The following MTMR7 variants were observed in gnomAD, a reference collection of about 807,000 sequenced individuals.
The protein encoded by MTMR7 is myotubularin related protein 7.
A neutral mutation model predicts 81.2 loss-of-function variants in MTMR7; 76 were observed. That is an observed-to-expected ratio of 0.94 (90% CI 0.78 to 1.13). MTMR7 has a LOEUF of 1.13. Among genes scored for constraint, MTMR7 ranks in the 50% most tolerant of loss-of-function variants. MTMR7 has a pLI of 0.00. For synonymous variants in MTMR7, 372 were observed against 289.8 expected, an observed-to-expected ratio of 1.28 and a Z score of -2.88; for missense variants, 1,044 against 820.0, an observed-to-expected ratio of 1.27 and a Z score of -3.34.
At chr8:17,332,904 G>C (rs1211885084) in intron 6 of MTMR7, among the ~76,000 whole-genome samples, 1 of 152,192 alleles carries the variant, frequency 6.6e-6, no homozygotes, top group Non-Finnish European at 1.5e-5. Context: ...AATTACAGCA[G>C]AAAGACAGCA....
chr8:17,304,299 A>T, intron 12 of MTMR7, 80 bp downstream of exon 12: 1 of 1,496,234 alleles, frequency 6.7e-7, no homozygotes, highest in East Asian at 2.3e-5. Context: ...TCAGTGTCAT[A>T]CACTTTGACC....
In MTMR7 at chr8:17,371,081, T is replaced by C. The variant is rs1214022445; in HGVS notation, c.266A>G (p.Asp89Gly). The C allele has an allele frequency of 6.2e-7, 1 of 1,614,036 alleles. No individual in the cohort carries two copies. The highest frequency in any genetic ancestry group is 8.5e-7 in the Non-Finnish European group (1 of 1,180,016). Reference sequence around the variant, plus strand: ...CAGGGAGATGTACACGTCGTGGCAATCTCTTTCCTGAGGTATGATGAGCTG... The same window carrying C: ...CAGGGAGATGTACACGTCGTGGCAACCTCTTTCCTGAGGTATGATGAGCTG... ...IIQLIIPQER[D>G]CHDVYISLIR... Residue 89 changes from aspartate (D) to glycine (G), a missense_variant, in exon 3 of 14, where the codon GAT (aspartate) becomes GGT (glycine). Physicochemically the swap from Asp to Gly is moderately conservative, Grantham distance 94 (BLOSUM62 -1). Transcript: ENST00000180173.
At chr8:17,348,814 T>C (rs1819639597) in intron 5 of MTMR7, 139 bp downstream of exon 5, 2 of 974,138 alleles carry the variant, frequency 2.1e-6, no homozygotes, top group East Asian at 2.4e-5. Context: ...TATCATGTCA[T>C]ACCATGCACA....
At chr8:17,371,306 C>T (rs778881216) in intron 2 of MTMR7, 107 bp from the exon 3 acceptor site, 47 of 1,285,010 alleles carry the variant, frequency 3.7e-5, no homozygotes, top group East Asian at 9.6e-5. Context: ...CGCTCCCCAA[C>T]CTCCAGCTAG....
chr8:17,301,592 A>C (rs1817115918), intron 13 of MTMR7: 1 of 152,394 alleles, frequency 6.6e-6, no homozygotes. Flanking sequence ...AGACTGCTAG[A>C]ATAGACTAAT....
At chr8:17,345,049 G>T (rs960028247) in intron 5 of MTMR7, among the ~76,000 whole-genome samples, 3 of 152,104 alleles carry the variant, frequency 2.0e-5, no homozygotes, top group African/African-American at 7.2e-5. Context: ...AATTCCGAAC[G>T]CACATGACTA....
chr8:17,376,769 G>A lies in MTMR7; in HGVS notation c.25-3529C>T, dbSNP rs12674981. Among the ~76,000 whole-genome samples the A allele has an allele frequency of 1.3e-3, 193 of 151,990 alleles. 3 individuals are homozygous for A. The East Asian group carries it at 0.029, about 23-fold the overall frequency. ...GAGTTTCATGCTGATATTTATTATCGCATCGTGAAAGTGACCTAATCCTAG... is the reference window on the plus strand; with the variant it reads ...GAGTTTCATGCTGATATTTATTATCACATCGTGAAAGTGACCTAATCCTAG... On this transcript the variant is annotated intron_variant, in intron 1 of 13. Coordinates refer to ENST00000180173, the MANE Select transcript of MTMR7 (RefSeq NM_004686.5).
chr8:17,308,399 A>G (rs938180802), intron 10 of MTMR7, among the ~76,000 whole-genome samples: 5 of 152,192 alleles, frequency 3.3e-5, no homozygotes, highest in Non-Finnish European at 5.9e-5. Flanking sequence ...TGGAATTCCT[A>G]TGCTTTCCTG....
At chr8:17,308,130 CTT>C (rs1397042276) in intron 10 of MTMR7, among the ~76,000 whole-genome samples, 6 of 151,794 alleles carry the variant, frequency 4.0e-5, no homozygotes, top group African/African-American at 7.3e-5. Context: ...GAATTTTAGT[CTT>C]TTATGGCTTC....
chr8:17,410,620 G>C (rs1821712061), intron 1 of MTMR7, among the ~76,000 whole-genome samples: 1 of 152,146 alleles, frequency 6.6e-6, no homozygotes, highest in Non-Finnish European at 1.5e-5. Context: ...ATTCTGGAAG[G>C]GAAGCACTCT....
At chr8:17,401,166 T>C (rs532409962) in intron 1 of MTMR7, among the ~76,000 whole-genome samples, 1 of 152,086 alleles carries the variant, frequency 6.6e-6, no homozygotes, top group African/African-American at 2.4e-5. Flanking sequence ...TGGAGAAAAA[T>C]ATAAAGAGGT....
intron 6 of MTMR7, among the ~76,000 whole-genome samples, chr8:17,337,176 A>G (rs1819267432): frequency 6.6e-6 from 1 of 152,146 alleles, no homozygotes; most frequent in South Asian, 2.1e-4. Flanking sequence ...GTTCGAGACC[A>G]GCCTGGTGAA....
intron 7 of MTMR7, among the ~76,000 whole-genome samples, chr8:17,315,043 T>C (rs1389875909): frequency 6.6e-6 from 1 of 152,136 alleles, no homozygotes; most frequent in Non-Finnish European, 1.5e-5. Flanking sequence ...GGCCCTTGGG[T>C]AGTCAGCCGT....
intron 4 of MTMR7, among the ~76,000 whole-genome samples, chr8:17,359,205 G>T (rs370612044): frequency 6.6e-6 from 1 of 152,030 alleles, no homozygotes; most frequent in African/African-American, 2.4e-5. Context: ...GCTTAAATGC[G>T]TATTAATAAA....
At chr8:17,370,244 G>A (rs747108347) in intron 3 of MTMR7, among the ~76,000 whole-genome samples, 2 of 151,468 alleles carry the variant, frequency 1.3e-5, no homozygotes, top group East Asian at 1.9e-4. Context: ...CAATGGAGGT[G>A]CAGGCATGGT....
chr8:17,400,923 C>T (rs932474751), intron 1 of MTMR7, among the ~76,000 whole-genome samples: 1 of 152,166 alleles, frequency 6.6e-6, no homozygotes, highest in Admixed American at 6.5e-5. Flanking sequence ...ATGAAATCCT[C>T]ACTTTTAACA....
intron 6 of MTMR7, 74 bp downstream of exon 6, chr8:17,341,289 A>G: frequency 1.3e-6 from 2 of 1,577,280 alleles, no homozygotes; most frequent in Non-Finnish European, 1.7e-6. Flanking sequence ...AAGAGATGGC[A>G]GTCGGCTAGC....
intron 5 of MTMR7, among the ~76,000 whole-genome samples, chr8:17,344,618 A>G (rs1819500250): frequency 6.6e-6 from 1 of 152,098 alleles, no homozygotes; most frequent in African/African-American, 2.4e-5. Flanking sequence ...CTCAAAACAT[A>G]AAGATGCAGC....
Position 17,330,887 on chromosome 8 carries a change from A to G in MTMR7, c.865+263T>C, listed in dbSNP as rs540740853. ...CTAACATTATGAGGAAGAAACAAAA[A>G]CATCCCTGTGCACTTTGACCTTAGA... On this transcript the variant is annotated intron_variant, in intron 7 of 13. Coordinates refer to ENST00000180173, the MANE Select transcript of MTMR7 (RefSeq NM_004686.5). 1.1e-4 allele frequency among the ~76,000 whole-genome samples: 16 copies of G among 152,316 alleles called. 1 individual carries two copies. Among genetic ancestry groups the G allele is most frequent in the African/African-American group, 3.8e-4 (16 of 41,562 alleles).
Sources: gnomAD v4.1 joint callset for allele counts (sites outside exome capture counted in the v4.1 genomes callset) on GRCh38, gnomAD v4.1.1 for gene constraint, MANE v1.5 for transcripts, NCBI Gene and HGNC (gene_info 2026-07-23, HGNC 2026-07-21) for gene names.